Variants in ETF1 observed in about 807,000 individuals in gnomAD.
The protein encoded by ETF1 is eukaryotic translation termination factor 1.
Under a neutral mutation model 55.1 loss-of-function variants are expected in ETF1, and 4 were observed. That is an observed-to-expected ratio of 0.07 (90% CI 0.04 to 0.17). The LOEUF is 0.17. ETF1 is among the 10% of genes least tolerant of loss of function. The probability of loss-of-function intolerance (pLI) is 1.00; values close to 1 mark genes in which losing one functional copy is unlikely to be tolerated. For synonymous variants in ETF1, 157 were observed against 182.3 expected, an observed-to-expected ratio of 0.86 and a Z score of 1.12; for missense variants, 142 against 523.6, an observed-to-expected ratio of 0.27 and a Z score of 7.11.
rs535201959 is a variant in ETF1 at position 138,532,189 on chromosome 5, A to AT, written c.86+10643dup. Among the ~76,000 whole-genome samples, 135 of 152,276 alleles carry AT rather than the reference A, an allele frequency of 8.9e-4. 1 individual carries two copies. The highest frequency in any genetic ancestry group is 3.0e-3 in the African/African-American group (125 of 41,566). ...TTTCTACTCCATTTCCAAAACTGTC[A>AT]TTGTTTTATTCACTGTGTGTTTTCC... On this transcript the variant is annotated intron_variant, in intron 2 of 10. Transcript: ENST00000360541.
At chr5:138,535,350 A>C (rs1765876206) in intron 2 of ETF1, among the ~76,000 whole-genome samples, 1 of 150,820 alleles carries the variant, frequency 6.6e-6, no homozygotes, top group Non-Finnish European at 1.5e-5. Flanking sequence ...TTTTTTTTTG[A>C]GACAGAGACT....
intron 2 of ETF1, among the ~76,000 whole-genome samples, chr5:138,535,874 C>CAGA (rs1282629995): frequency 1.7e-5 from 1 of 57,836 alleles, no homozygotes; most frequent in Non-Finnish European, 2.8e-5. Flanking sequence ...GACTCCGCCT[C>CAGA]AAAAAAAAAA....
At chr5:138,508,960 C>T (rs1287319088) in intron 9 of ETF1, 144 bp from the exon 10 acceptor site, 1 of 1,434,860 alleles carries the variant, frequency 7.0e-7, no homozygotes, top group African/African-American at 1.4e-5. Context: ...TAAGTCATCT[C>T]TGGTTTTGAT....
chr5:138,528,176 G>A (rs900775088), intron 2 of ETF1, among the ~76,000 whole-genome samples: 30 of 152,158 alleles, frequency 2.0e-4, no homozygotes, highest in South Asian at 1.0e-3. Flanking sequence ...GAATGAAAAC[G>A]GATGGCAAAG....
chr5:138,514,615 G>A (rs967777518), intron 4 of ETF1, among the ~76,000 whole-genome samples: 2 of 150,508 alleles, frequency 1.3e-5, no homozygotes, highest in Admixed American at 6.6e-5. Flanking sequence ...TGGCCAGGCT[G>A]GAGTGCAGTA....
chr5:138,512,256 ATAT>A (rs1432986867), intron 6 of ETF1, among the ~76,000 whole-genome samples: 4 of 18,878 alleles, frequency 2.1e-4, no homozygotes, highest in African/African-American at 9.2e-4. Flanking sequence ...ATATATATAT[ATAT>A]TTTTTTTTTT....
intron 4 of ETF1, 113 bp downstream of exon 4, chr5:138,517,448 A>G: frequency 2.1e-6 from 1 of 473,754 alleles, no homozygotes; most frequent in Non-Finnish European, 3.8e-6. Context: ...GAAAGAAAAT[A>G]TAGTGGTTGC....
chr5:138,511,248 T>C (rs755704449), intron 7 of ETF1, 48 bp from the exon 8 acceptor site: 2 of 1,600,150 alleles, frequency 1.2e-6, no homozygotes, highest in East Asian at 2.2e-5. Flanking sequence ...GTTTCCCTAG[T>C]AGATACAAAC....
intron 2 of ETF1, among the ~76,000 whole-genome samples, chr5:138,534,921 G>T (rs539994750): frequency 9.0e-6 from 1 of 110,690 alleles, no homozygotes; most frequent in African/African-American, 2.6e-5. Context: ...GGTTATAAGG[G>T]GGGGGGTCAA....
At chr5:138,541,163 C>G (rs556796809) in intron 2 of ETF1, among the ~76,000 whole-genome samples, 3 of 152,280 alleles carry the variant, frequency 2.0e-5, no homozygotes, top group Non-Finnish European at 4.4e-5. Context: ...AGTAACAAAA[C>G]AAGATCCTAC....
intron 2 of ETF1, among the ~76,000 whole-genome samples, chr5:138,534,971 T>C (rs1456905947): frequency 6.6e-6 from 1 of 151,302 alleles, no homozygotes; most frequent in Non-Finnish European, 1.5e-5. Context: ...GTTTCTTTTT[T>C]TTTTTTTTTT....
chr5:138,518,008 C>T (rs921808274), intron 3 of ETF1: 50 of 337,316 alleles, frequency 1.5e-4, no homozygotes, highest in African/African-American at 1.0e-3. Context: ...TCAAGACCAA[C>T]CTGGCCAACA....
At chr5:138,518,958 C>G (rs576326217) in intron 2 of ETF1, 91 bp from the exon 3 acceptor site, 2 of 1,554,928 alleles carry the variant, frequency 1.3e-6, no homozygotes, top group Non-Finnish European at 1.7e-6. Context: ...CAGGGAGATG[C>G]CCCAAAGTTA....
At chr5:138,517,484 G>T in intron 4 of ETF1, 77 bp downstream of exon 4, 1 of 746,332 alleles carries the variant, frequency 1.3e-6, no homozygotes, top group Non-Finnish European at 2.1e-6. Context: ...TAAGTGGGAG[G>T]GATGGGGGAC....
intron 5 of ETF1, 136 bp from the exon 6 acceptor site, chr5:138,513,090 A>G: frequency 1.4e-6 from 2 of 1,385,462 alleles, no homozygotes; most frequent in Non-Finnish European, 1.9e-6. Flanking sequence ...CTAAACGTTC[A>G]GCATAAACTG....
chr5:138,542,524 G>C (rs762549286), intron 2 of ETF1: 50 of 896,788 alleles, frequency 5.6e-5, no homozygotes, highest in Non-Finnish European at 7.6e-5. Flanking sequence ...AGCACCTGGA[G>C]CCCGAAGAGG....
rs1764595957 is a variant in ETF1, at chr5:138,507,356, C to T, written c.*949G>A. 1 of 152,614 alleles carries T rather than the reference C, an allele frequency of 6.6e-6. No individual in the cohort carries two copies. The highest frequency in any genetic ancestry group is 2.1e-4 in the South Asian group (1 of 4,820). The allele number at this position is 152,614 out of a possible 1,614,324, so 9.5% of individuals were successfully genotyped here. A position where few individuals can be genotyped will look rare whatever the true frequency, so the allele number is the denominator to read the frequency against. On this transcript the variant is annotated 3_prime_UTR_variant, in exon 11 of 11. Coordinates refer to ENST00000360541, the MANE Select transcript of ETF1 (RefSeq NM_004730.4). Reference sequence around the variant, plus strand: ...ATCAAAACATTCACATAATCTCATGCCATCCAACACAAGGAAAACACATCC... The same window carrying T: ...ATCAAAACATTCACATAATCTCATGTCATCCAACACAAGGAAAACACATCC...
intron 2 of ETF1, among the ~76,000 whole-genome samples, chr5:138,535,554 T>C (rs957233547): frequency 4.6e-5 from 7 of 151,724 alleles, no homozygotes; most frequent in Non-Finnish European, 8.8e-5. Flanking sequence ...ACTCTGTCTC[T>C]ACTAAAAAAT....
chr5:138,523,391 G>C (rs1401687247), intron 2 of ETF1, among the ~76,000 whole-genome samples: 1 of 151,794 alleles, frequency 6.6e-6, no homozygotes. Flanking sequence ...AAAATTAGCC[G>C]AGCGTGGTGG....
Sources: gnomAD v4.1 joint callset for allele counts (sites outside exome capture counted in the v4.1 genomes callset) on GRCh38, gnomAD v4.1.1 for gene constraint, MANE v1.5 for transcripts, NCBI Gene and HGNC (gene_info 2026-07-23, HGNC 2026-07-21) for gene names.